Variants in FERMT1 observed in about 807,000 individuals in gnomAD.
FERMT1 encodes the protein FERM domain containing kindlin 1, also known as fermitin family homolog 1.
Under a neutral mutation model 85.3 loss-of-function variants are expected in FERMT1, and 60 were observed. The observed-to-expected ratio is 0.70, with a 90% CI of 0.57 to 0.87. FERMT1 has a LOEUF of 0.87. Ranked by LOEUF, FERMT1 falls within the 40% of genes least tolerant of loss-of-function variation. The pLI, the probability that FERMT1 is intolerant of heterozygous loss-of-function variation, is 0.00. For synonymous variants in FERMT1, 275 were observed against 301.1 expected (o/e 0.91, Z 0.90); for missense variants, 701 against 818.9 (o/e 0.86, Z 1.76).
At chr20:6,083,706 C>A (rs73896722) in intron 13 of FERMT1, among the ~76,000 whole-genome samples, 1,214 of 81,080 alleles carry the variant, frequency 0.015, 4 homozygotes, top group South Asian at 0.033. Context: ...AAAAAAAAAA[C>A]AAAAAAAAAA....
At position 6,110,425 on chromosome 20, in the gene FERMT1, T is replaced by C. The variant is rs1982915153; in HGVS notation, c.619A>G (p.Ser207Gly). The change falls in exon 5 of 15, where the codon AGT becomes GGT. Residue 207 changes from serine to glycine, a missense_variant. Coordinates refer to ENST00000217289, the MANE Select transcript of FERMT1 (RefSeq NM_017671.5). ...TTTTGTTCCGTCAAAGGGCTGTCAC[T>C]GAACCAAGTCATGGTGGATGATGCT... The part of the protein sequence containing the change: ...TPASSTMTWF[S>G]DSPLTEQNCS... 3 of 1,614,002 alleles carry C rather than the reference T, an allele frequency of 1.9e-6. No individual in the cohort carries two copies. The highest frequency in any genetic ancestry group is 1.7e-6 in the Non-Finnish European group (2 of 1,180,030).
intron 11 of FERMT1, among the ~76,000 whole-genome samples, chr20:6,086,078 G>T (rs112670771): frequency 0.059 from 9,005 of 151,534 alleles, 389 homozygotes; most frequent in Middle Eastern, 0.16. Flanking sequence ...GGAGGTGGAG[G>T]TTGCAGTGAG....
At position 6,077,280 on chromosome 20, in the gene FERMT1, C is replaced by T. The variant is rs763711311; in HGVS notation, c.1927G>A (p.Val643Met). The T allele has an allele frequency of 9.9e-6, 16 of 1,614,034 alleles. No homozygotes were observed. In the Admixed American group the frequency reaches 2.5e-4, roughly 25 times the overall value. The change falls in exon 15 of 15, where the codon GTG (valine) becomes ATG (methionine). Residue 643 changes from valine to methionine, a missense_variant. By Grantham distance (21) the Val-to-Met change is conservative (BLOSUM62 1). Transcript: ENST00000217289. ...FTCLSADCKI[V>M]HEYIGGYIFL... ...ATGTAGCCGCCAATGTACTCGTGCA[C>T]AATCTTGCAATCTGCACTCAGGCAG... is the stretch of plus-strand genomic sequence containing the variant.
chr20:6,114,992 C>T (rs191635868), intron 3 of FERMT1, among the ~76,000 whole-genome samples: 7 of 152,230 alleles, frequency 4.6e-5, no homozygotes, highest in African/African-American at 1.7e-4. Context: ...CTACTATATC[C>T]CTAGCACTCA....
At chr20:6,113,156 TGG>T (rs1983006367) in intron 3 of FERMT1, among the ~76,000 whole-genome samples, 2 of 152,142 alleles carry the variant, frequency 1.3e-5, no homozygotes, top group Non-Finnish European at 2.9e-5. Flanking sequence ...TGAGATCTGA[TGG>T]TTTTATAGGG....
intron 9 of FERMT1, among the ~76,000 whole-genome samples, chr20:6,090,364 C>A (rs574403700): frequency 6.6e-6 from 1 of 152,060 alleles, no homozygotes; most frequent in Non-Finnish European, 1.5e-5. Context: ...TGAGCCACCA[C>A]GCCCAGCTGG....
At position 6,076,668 on chromosome 20, in the gene FERMT1, G is replaced by A. The variant is rs1035509380; in HGVS notation, c.*505C>T. On this transcript the variant is annotated 3_prime_UTR_variant, in exon 15 of 15. Coordinates refer to ENST00000217289, the MANE Select transcript of FERMT1 (RefSeq NM_017671.5). ...AGACCTTGGCCTCCAGGGAAAAAGT[G>A]TGTGTAGGAACTCCCTCTGCCATTT... is the stretch of plus-strand genomic sequence containing the variant. 5 of 338,998 alleles carry A rather than the reference G, an allele frequency of 1.5e-5. No homozygotes were observed. Among genetic ancestry groups the A allele is most frequent in the Middle Eastern group, 1.1e-3 (1 of 938 alleles). The allele number at this position is 338,998 out of a possible 1,614,324, so 21.0% of individuals were successfully genotyped here. A position where few individuals can be genotyped will look rare whatever the true frequency, so the allele number is the denominator to read the frequency against.
intron 8 of FERMT1, among the ~76,000 whole-genome samples, chr20:6,095,959 C>T (rs1982487893): frequency 6.6e-6 from 1 of 152,140 alleles, no homozygotes; most frequent in Non-Finnish European, 1.5e-5. Flanking sequence ...TAATTATTCC[C>T]ATGGCCGAAG....
chr20:6,083,942 GC>G lies in FERMT1; in HGVS notation c.1718+97del, dbSNP rs1231123946. On this transcript the variant is annotated intron_variant, in intron 13 of 14. Transcript: ENST00000217289. ...AAAGGGCAATATTCTCAAATAAAAA[GC>G]ATTCTATATTCTATGCTAAATGAGA... 1.4e-5 allele frequency: 19 copies of G among 1,394,662 alleles called. No individual in the cohort carries two copies. The South Asian group carries it at 1.5e-4, about 11-fold the overall frequency. The allele number at this position is 1,394,662 out of a possible 1,614,324, so 86.4% of individuals were successfully genotyped here. A position where few individuals can be genotyped will look rare whatever the true frequency, so the allele number is the denominator to read the frequency against.
chr20:6,112,826 G>A (rs1205299700), intron 3 of FERMT1, among the ~76,000 whole-genome samples: 3 of 152,066 alleles, frequency 2.0e-5, no homozygotes, highest in Non-Finnish European at 4.4e-5. Context: ...AACGGTGGAG[G>A]GAGATTCAGT....
At chr20:6,107,171 G>A (rs1182337344) in intron 6 of FERMT1, among the ~76,000 whole-genome samples, 1 of 147,012 alleles carries the variant, frequency 6.8e-6, no homozygotes, top group African/African-American at 2.5e-5. Flanking sequence ...ACTCCAGCCT[G>A]GGTGACAGAG....
intron 5 of FERMT1, among the ~76,000 whole-genome samples, chr20:6,109,698 G>A (rs1471478586): frequency 2.0e-5 from 3 of 151,980 alleles, no homozygotes; most frequent in Admixed American, 6.6e-5. Flanking sequence ...TCAGGAGTTC[G>A]AGACCAGCCT....
At chr20:6,110,645 G>A in intron 4 of FERMT1, 134 bp from the exon 5 acceptor site, 3 of 753,996 alleles carry the variant, frequency 4.0e-6, no homozygotes, top group Non-Finnish European at 6.9e-6. Flanking sequence ...TATAAGTCAA[G>A]CTGGGCACTG....
intron 13 of FERMT1, among the ~76,000 whole-genome samples, chr20:6,082,344 T>A (rs1404473153): frequency 6.6e-6 from 1 of 152,126 alleles, no homozygotes; most frequent in Non-Finnish European, 1.5e-5. Flanking sequence ...GAAGCTGCGC[T>A]TGGGGAGCGC....
intron 7 of FERMT1, 64 bp downstream of exon 7, chr20:6,097,460 A>G: frequency 8.7e-7 from 1 of 1,144,564 alleles, no homozygotes; most frequent in South Asian, 1.2e-5. Context: ...GAAGCATATG[A>G]AACTTCAAGC....
chr20:6,098,438 C>A (rs757995758), intron 6 of FERMT1, among the ~76,000 whole-genome samples: 2 of 152,056 alleles, frequency 1.3e-5, no homozygotes, highest in African/African-American at 2.4e-5. Flanking sequence ...TAAAGCACTT[C>A]TCCTCCCAGA....
chr20:6,091,112 G>A (rs1272178013), intron 9 of FERMT1, among the ~76,000 whole-genome samples: 4 of 151,890 alleles, frequency 2.6e-5, no homozygotes, highest in Admixed American at 6.6e-5. Context: ...GCAGTGAGCC[G>A]AGATCACGCC....
chr20:6,090,229 C>T (rs1982316022), intron 9 of FERMT1, among the ~76,000 whole-genome samples: 1 of 152,096 alleles, frequency 6.6e-6, no homozygotes, highest in African/African-American at 2.4e-5. Context: ...CATGTGCCAC[C>T]ATGCCTGGCT....
chr20:6,116,396 T>C, intron 2 of FERMT1, among the ~76,000 whole-genome samples: 1 of 151,292 alleles, frequency 6.6e-6, no homozygotes, highest in East Asian at 1.9e-4. Context: ...TTAAATCAAA[T>C]AAAAAAATTT....
Sources: gnomAD v4.1 joint callset for allele counts (sites outside exome capture counted in the v4.1 genomes callset) on GRCh38, gnomAD v4.1.1 for gene constraint, MANE v1.5 for transcripts, NCBI Gene and HGNC (gene_info 2026-07-23, HGNC 2026-07-21) for gene names.